SLC12A3: variants seen among roughly 807,000 people sequenced by gnomAD.
The protein encoded by SLC12A3 is Na-Cl cotransporter.
In SLC12A3, 104 loss-of-function variants were observed where a neutral mutation model predicts 121.0. That is an observed-to-expected ratio of 0.86 (90% CI 0.73 to 1.01). SLC12A3 has a LOEUF of 1.01. SLC12A3 is among the 50% of genes least tolerant of loss of function. The pLI is 0.00. For synonymous variants in SLC12A3, 536 were observed against 533.4 expected, an observed-to-expected ratio of 1.00 and a Z score of -0.07; for missense variants, 1,328 against 1,356.3, an observed-to-expected ratio of 0.98 and a Z score of 0.33.
chr16:56,872,259 G>T, intron 6 of SLC12A3, 92 bp from the exon 7 acceptor site: 1 of 843,982 alleles, frequency 1.2e-6, no homozygotes, highest in South Asian at 1.4e-5. Context: ...GAATAATGGA[G>T]AAACGGGCCC....
At chr16:56,879,432 G>A in intron 10 of SLC12A3, 110 bp from the exon 11 acceptor site, 1 of 1,098,012 alleles carries the variant, frequency 9.1e-7, no homozygotes, top group Non-Finnish European at 1.4e-6. Context: ...TGTGGACTCA[G>A]GTGGAGGCTC....
chr16:56,902,531 G>GCGGCCCCC, intron 24 of SLC12A3, 23 bp downstream of exon 24: 1 of 714,570 alleles, frequency 1.4e-6, no homozygotes, highest in Non-Finnish European at 2.4e-6. Flanking sequence ...GTGGGGGTGG[G>GCGGCCCCC]AAACGCGACA....
At position 56,873,374 on chromosome 16, in the gene SLC12A3, C is replaced by CTTTTTT. The variant is rs59478629; in HGVS notation, c.1095+612_1095+617dup. ...AAGTCTGTTCTGTTTCTCTTTCTTT[C>CTTTTTT]TTTTTTTTTTTTTTTTTTTTTTTTT... On this transcript the variant is annotated intron_variant, in intron 8 of 25. Coordinates refer to ENST00000563236, the MANE Select transcript of SLC12A3 (RefSeq NM_001126108.2). Among the ~76,000 whole-genome samples the CTTTTTT allele has an allele frequency of 3.9e-3, 293 of 75,370 alleles. 2 individuals are homozygous for CTTTTTT. Among genetic ancestry groups the CTTTTTT allele is most frequent in the Non-Finnish European group, 5.8e-3 (239 of 41,088 alleles). 49.4% of individuals were successfully genotyped at this position (75,370 alleles called of 152,430 possible).
In SLC12A3 at chr16:56,894,368, G is replaced by C. The variant is rs13306679; in HGVS notation, c.2522-163G>C. ...TAAACCCTACCCCACAGAGCACCGT[G>C]TGCGACTTGAATTCAGTCAGCCATG... On this transcript the variant is annotated intron_variant, in intron 21 of 25. Transcript: ENST00000563236. 0.22 allele frequency among the ~76,000 whole-genome samples: 33,524 copies of C among 152,054 alleles called. 3,945 individuals are homozygous for C. The highest frequency in any genetic ancestry group is 0.31 in the African/African-American group (12,867 of 41,436).
At chr16:56,884,690 G>A (rs572478589) in intron 14 of SLC12A3, among the ~76,000 whole-genome samples, 1 of 152,308 alleles carries the variant, frequency 6.6e-6, no homozygotes, top group African/African-American at 2.4e-5. Context: ...GGGATTCTAA[G>A]TGTCAACCTG....
intron 22 of SLC12A3, among the ~76,000 whole-genome samples, chr16:56,899,031 C>G (rs1363717815): frequency 1.3e-5 from 2 of 152,174 alleles, no homozygotes; most frequent in Non-Finnish European, 2.9e-5. Flanking sequence ...AGATGGCCAC[C>G]AGATACTTGG....
Position 56,913,655 on chromosome 16 carries a change from G to T in SLC12A3, c.*250G>T. ...GGAGCTGCAAGGAAAACTCTCTAAAGCATCCTATTCCTTTTAAAGGATTTC... is the reference window on the plus strand; with the variant it reads ...GGAGCTGCAAGGAAAACTCTCTAAATCATCCTATTCCTTTTAAAGGATTTC... On this transcript the variant is annotated 3_prime_UTR_variant, in exon 26 of 26. Transcript: ENST00000563236. 1 of 554,908 alleles carries T rather than the reference G, an allele frequency of 1.8e-6. No individual in the cohort carries two copies. The highest frequency in any genetic ancestry group is 3.2e-6 in the Non-Finnish European group (1 of 309,092). 34.4% of individuals were successfully genotyped at this position (554,908 alleles called of 1,614,324 possible).
chr16:56,895,076 T>G (rs1452552496), intron 22 of SLC12A3, among the ~76,000 whole-genome samples: 2 of 150,372 alleles, frequency 1.3e-5, no homozygotes, highest in Admixed American at 1.3e-4. Context: ...GGAACCTGTA[T>G]GAAATGAAGG....
At chr16:56,909,870 A>G in intron 25 of SLC12A3, among the ~76,000 whole-genome samples, 1 of 151,922 alleles carries the variant, frequency 6.6e-6, no homozygotes, top group East Asian at 1.9e-4. Context: ...GCGTGCTTGG[A>G]GCATTTTCTA....
chr16:56,913,148 G>A, intron 25 of SLC12A3, 116 bp from the exon 26 acceptor site: 2 of 1,352,998 alleles, frequency 1.5e-6, no homozygotes, highest in Non-Finnish European at 2.1e-6. Flanking sequence ...TAGGGTGGGT[G>A]GAAGGAGCTC....
chr16:56,892,191 T>C, intron 20 of SLC12A3, 58 bp downstream of exon 20: 1 of 1,542,104 alleles, frequency 6.5e-7, no homozygotes, highest in East Asian at 2.2e-5. Flanking sequence ...CTCAGGGCAC[T>C]CTAGCCCTGT....
intron 21 of SLC12A3, among the ~76,000 whole-genome samples, chr16:56,893,995 A>ATTTG (rs1161930985): frequency 4.3e-5 from 6 of 137,972 alleles, no homozygotes; most frequent in East Asian, 2.1e-4. Flanking sequence ...TTATTTATTT[A>ATTTG]TTTATTTATT....
chr16:56,869,686 C>A (rs1290778030), intron 3 of SLC12A3, 43 bp from the exon 4 acceptor site: 2 of 1,546,126 alleles, frequency 1.3e-6, no homozygotes, highest in East Asian at 4.5e-5. Context: ...TGGGGCTCCT[C>A]CCTTGGGAAA....
At chr16:56,889,378 T>C (rs1227535706) in intron 18 of SLC12A3, among the ~76,000 whole-genome samples, 4 of 152,240 alleles carry the variant, frequency 2.6e-5, no homozygotes, top group Admixed American at 1.3e-4. Context: ...GCGCAGCCCA[T>C]TGGCCCAAAC....
At chr16:56,868,430 C>A in intron 3 of SLC12A3, 58 bp downstream of exon 3, 1 of 1,511,732 alleles carries the variant, frequency 6.6e-7, no homozygotes, top group Non-Finnish European at 9.0e-7. Flanking sequence ...TTCTTCCCAG[C>A]TTGCCTGAAT....
At chr16:56,869,686 C>G in intron 3 of SLC12A3, 43 bp from the exon 4 acceptor site, 1 of 1,546,126 alleles carries the variant, frequency 6.5e-7, no homozygotes, top group African/African-American at 1.4e-5. Flanking sequence ...TGGGGCTCCT[C>G]CCTTGGGAAA....
chr16:56,892,901 G>A, intron 20 of SLC12A3, 52 bp from the exon 21 acceptor site: 1 of 1,498,390 alleles, frequency 6.7e-7, no homozygotes, highest in Non-Finnish European at 9.3e-7. Context: ...GGCCAGGCCT[G>A]CCTGGATGCG....
rs2055715444 is a variant in SLC12A3, at chr16:56,913,576, TCC to T, written c.*172_*173del. On this transcript the variant is annotated 3_prime_UTR_variant, in exon 26 of 26. Transcript: ENST00000563236. ...TTTCCAAATCTGGCTGGACTCCACTTCCATGGGACACATTCCCTGGGTCTTGT... is the reference window on the plus strand; with the variant it reads ...TTTCCAAATCTGGCTGGACTCCACTTATGGGACACATTCCCTGGGTCTTGT... 2 of 718,186 alleles carry T rather than the reference TCC, an allele frequency of 2.8e-6. No homozygotes were observed. The highest frequency in any genetic ancestry group is 3.4e-5 in the African/African-American group (2 of 58,092). The allele number at this position is 718,186 out of a possible 1,614,324, so 44.5% of individuals were successfully genotyped here. A position where few individuals can be genotyped will look rare whatever the true frequency, so the allele number is the denominator to read the frequency against.
chr16:56,876,951 C>T lies in SLC12A3; in HGVS notation c.1096-1126C>T, dbSNP rs527855648. Among the ~76,000 whole-genome samples, 25 of 152,344 alleles carry T rather than the reference C, an allele frequency of 1.6e-4. No individual in the cohort carries two copies. The South Asian group carries it at 4.8e-3, about 29-fold the overall frequency. ...GACTTTGGTGTGGTCAGGCCCAGAG[C>T]TGTGTCCTCCTCGCAGCTCTCTGCC... is the stretch of plus-strand genomic sequence containing the variant. On this transcript the variant is annotated intron_variant, in intron 8 of 25. Transcript: ENST00000563236.
Sources: gnomAD v4.1 joint callset for allele counts (sites outside exome capture counted in the v4.1 genomes callset) on GRCh38, gnomAD v4.1.1 for gene constraint, MANE v1.5 for transcripts, NCBI Gene and HGNC (gene_info 2026-07-23, HGNC 2026-07-21) for gene names.